NRG2: variants seen among roughly 807,000 people sequenced by gnomAD.
The protein encoded by NRG2 is pro-neuregulin-2, membrane-bound isoform.
In NRG2, 27 loss-of-function variants were observed where a neutral mutation model predicts 73.9. The ratio of observed to expected loss-of-function variants is 0.37; its 90% CI spans 0.27 to 0.50. The LOEUF (loss-of-function observed/expected upper bound fraction) is 0.50. Among genes scored for constraint, NRG2 ranks in the 20% least tolerant of loss-of-function variants. The pLI, the probability that NRG2 is intolerant of heterozygous loss-of-function variation, is 0.96. For synonymous variants in NRG2, 532 were observed against 541.0 expected, an observed-to-expected ratio of 0.98 and a Z score of 0.23; for missense variants, 1,126 against 1,210.1, an observed-to-expected ratio of 0.93 and a Z score of 1.03.
intron 5 of NRG2, among the ~76,000 whole-genome samples, chr5:139,863,960 C>T (rs1384116297): frequency 2.0e-5 from 3 of 152,182 alleles, no homozygotes; most frequent in Non-Finnish European, 1.5e-5. Flanking sequence ...ATCATTTCTC[C>T]ACCCTGAGAC....
intron 5 of NRG2, among the ~76,000 whole-genome samples, chr5:139,863,088 C>G (rs1275943476): frequency 6.6e-6 from 1 of 152,202 alleles, no homozygotes; most frequent in Non-Finnish European, 1.5e-5. Flanking sequence ...ATGGCAGGCT[C>G]TCTGCTAAGC....
Position 139,851,001 on chromosome 5 carries a change from T to A in NRG2, c.1772+603A>T, listed in dbSNP as rs1347281250. 6.6e-6 allele frequency among the ~76,000 whole-genome samples: 1 copy of A among 152,002 alleles called. No individual in the cohort carries two copies. ...CTGTTTGTTCTTTTTTTTTTTTTCT[T>A]TTTGTAAAGGGAGTCTTGCTCTGTT... On this transcript the variant is annotated intron_variant, in intron 9 of 9. Coordinates refer to ENST00000361474, the MANE Select transcript of NRG2 (RefSeq NM_004883.3). This position sits in a 1 kb window ranked among gnomAD's most constrained non-coding sequence, Gnocchi z 4.2.
intron 4 of NRG2, among the ~76,000 whole-genome samples, chr5:139,867,025 C>A (rs1762510256): frequency 6.6e-6 from 1 of 152,170 alleles, no homozygotes; most frequent in South Asian, 2.1e-4. Context: ...CACCAGTGTC[C>A]CCCTCAATAA....
At chr5:139,867,801 A>AT (rs1762574930) in intron 4 of NRG2, among the ~76,000 whole-genome samples, 38 of 79,534 alleles carry the variant, frequency 4.8e-4, no homozygotes, top group African/African-American at 1.7e-3. Flanking sequence ...TGTGTGTATG[A>AT]GTGTGTGTGT....
At position 139,852,412 on chromosome 5, in the gene NRG2, T is replaced by A; in HGVS notation, c.1544+20A>T. The stretch of plus-strand genomic sequence containing the variant: ...AAGTATGTGAGTCTACAAGTTTCCA[T>A]GGGCCTTGGTGGTGCCTACCTGTGG... On this transcript the variant is annotated intron_variant, in intron 8 of 9. Coordinates refer to ENST00000361474, the MANE Select transcript of NRG2 (RefSeq NM_004883.3). The surrounding 1 kb of genome is among the most constrained non-coding windows in gnomAD (Gnocchi z 4.4). 6.2e-7 allele frequency: 1 copy of A among 1,607,332 alleles called. No individual in the cohort carries two copies. The highest frequency in any genetic ancestry group is 8.5e-7 in the Non-Finnish European group (1 of 1,177,556).
chr5:140,037,221 T>C (rs1039781045), intron 1 of NRG2, among the ~76,000 whole-genome samples: 1 of 152,236 alleles, frequency 6.6e-6, no homozygotes, highest in Non-Finnish European at 1.5e-5. Context: ...CCACATGGAC[T>C]CTACTGTGAG....
intron 5 of NRG2, chr5:139,861,678 A>AAGT (rs1762153395): frequency 2.0e-6 from 1 of 502,988 alleles, no homozygotes; most frequent in African/African-American, 1.9e-5. Flanking sequence ...AAGTTGCCGT[A>AAGT]AGTACAGTTT....
chr5:140,042,290 C>A, intron 1 of NRG2, 80 bp downstream of exon 1: 1 of 873,628 alleles, frequency 1.1e-6, no homozygotes, highest in Non-Finnish European at 1.5e-6. Flanking sequence ...CGGGCACCTG[C>A]AGCACCTCCC....
At chr5:139,859,974 G>A (rs1762048907) in intron 5 of NRG2, 16 of 1,513,134 alleles carry the variant, frequency 1.1e-5, no homozygotes, top group Non-Finnish European at 1.5e-5. Flanking sequence ...ACAGGTGGGT[G>A]GGGACAGGGG....
intron 1 of NRG2, among the ~76,000 whole-genome samples, chr5:139,989,914 G>A (rs1199542115): frequency 2.7e-5 from 4 of 150,750 alleles, no homozygotes; most frequent in African/African-American, 7.3e-5. Context: ...TCAGCCTCCC[G>A]AGTAGCTGGG....
At chr5:139,953,478 C>G (rs35625311) in intron 1 of NRG2, among the ~76,000 whole-genome samples, 20,585 of 152,072 alleles carry the variant, frequency 0.14, 1,471 homozygotes, top group South Asian at 0.25. Flanking sequence ...TGCACTCCAT[C>G]CTCCAACCCC....
At chr5:140,035,527 T>A (rs144752322) in intron 1 of NRG2, among the ~76,000 whole-genome samples, 1 of 152,218 alleles carries the variant, frequency 6.6e-6, no homozygotes, top group Non-Finnish European at 1.5e-5. Context: ...ATTGAAAAGA[T>A]TGAATTAAAA....
At chr5:139,935,281 A>C (rs1752763641) in intron 1 of NRG2, among the ~76,000 whole-genome samples, 1 of 152,252 alleles carries the variant, frequency 6.6e-6, no homozygotes, top group Non-Finnish European at 1.5e-5. Context: ...CTATAACGAG[A>C]TTTCAACACC....
At chr5:139,987,128 T>C (rs906036516) in intron 1 of NRG2, among the ~76,000 whole-genome samples, 1 of 151,854 alleles carries the variant, frequency 6.6e-6, no homozygotes, top group Admixed American at 6.6e-5. Flanking sequence ...TCCTAGCACT[T>C]TGGGAGGCCG....
chr5:140,021,498 C>T lies in NRG2; in HGVS notation c.700+20872G>A, dbSNP rs78466759. On this transcript the variant is annotated intron_variant, in intron 1 of 9. Transcript: ENST00000361474. ...TGGAATGGACCATACTTTTCCTATG[C>T]CCTGGAAGTCACTGTCCATGACCTA... Among the ~76,000 whole-genome samples, 958 of 152,340 alleles carry T rather than the reference C, an allele frequency of 6.3e-3. 11 individuals are homozygous for T. Among genetic ancestry groups the T allele is most frequent in the African/African-American group, 0.021 (879 of 41,566 alleles).
At chr5:139,952,011 C>T (rs972082226) in intron 1 of NRG2, among the ~76,000 whole-genome samples, 2 of 152,238 alleles carry the variant, frequency 1.3e-5, no homozygotes, top group Admixed American at 1.3e-4. Flanking sequence ...GGAATTCTGG[C>T]TCTGCCTCTT....
Position 140,042,772 on chromosome 5 carries a change from CG to C in NRG2, c.297del (p.Gly100AlafsTer62). The C allele has an allele frequency of 3.9e-6, 6 of 1,539,232 alleles. No individual in the cohort carries two copies. Among genetic ancestry groups the C allele is most frequent in the African/African-American group, 1.4e-5 (1 of 72,194 alleles). The part of the protein sequence containing the change: ...AAGGMRRDPA[P>X]GFSMLLFGVS... ...ACACCGAAGAGCAGCATGGAGAAGC[CG>C]GGGGCCGGGTCGCGCCTCATGCCGC... is the stretch of plus-strand genomic sequence containing the variant. On this transcript the variant is annotated frameshift_variant, in exon 1 of 10. Coordinates refer to ENST00000361474, the MANE Select transcript of NRG2 (RefSeq NM_004883.3). LOFTEE classifies it high-confidence loss of function.
At chr5:139,959,276 T>C (rs1754883268) in intron 1 of NRG2, among the ~76,000 whole-genome samples, 1 of 151,954 alleles carries the variant, frequency 6.6e-6, no homozygotes, top group Non-Finnish European at 1.5e-5. Context: ...CTCAGCTCAC[T>C]GCAACCTCCG....
In NRG2 at chr5:139,929,353, G is replaced by A. The variant is rs537778523; in HGVS notation, c.701-41842C>T. ...TTGCTTCCCTCCAATGACATTAAGC[G>A]TGTTATACCTTCTACTACAATGAAT... On this transcript the variant is annotated intron_variant, in intron 1 of 9. Transcript: ENST00000361474. Among the ~76,000 whole-genome samples the A allele has an allele frequency of 4.6e-5, 7 of 152,250 alleles. No individual in the cohort carries two copies. In the East Asian group the frequency reaches 7.7e-4, roughly 17 times the overall value.
Sources: allele counts gnomAD v4.1 joint callset (sites outside exome capture counted in the v4.1 genomes callset), GRCh38; gene constraint gnomAD v4.1.1; non-coding constraint Gnocchi (gnomAD v3.1); transcripts MANE v1.5; gene names NCBI Gene and HGNC (gene_info 2026-07-23, HGNC 2026-07-21).